Variants in INPP5D observed in about 807,000 individuals in gnomAD.
INPP5D encodes inositol polyphosphate-5-phosphatase D.
INPP5D carries 33 observed loss-of-function variants against 122.9 expected under a neutral mutation model. The ratio of observed to expected loss-of-function variants is 0.27; its 90% confidence interval spans 0.20 to 0.36. The LOEUF (loss-of-function observed/expected upper bound fraction) is 0.36. Among genes scored for constraint, INPP5D ranks in the 10% least tolerant of loss-of-function variants. The pLI is 1.00. For synonymous variants in INPP5D, 584 were observed against 576.2 expected, an observed-to-expected ratio of 1.01 and a Z score of -0.19; for missense variants, 1,053 against 1,412.7, an observed-to-expected ratio of 0.75 and a Z score of 4.08.
At chr2:233,106,603 G>A (rs1443173491) in intron 2 of INPP5D, among the ~76,000 whole-genome samples, 2 of 152,210 alleles carry the variant, frequency 1.3e-5, no homozygotes, top group Admixed American at 1.3e-4. Flanking sequence ...TTCTGCCACA[G>A]CACCCCTCCT....
At chr2:233,185,948 C>A in intron 21 of INPP5D, 23 bp downstream of exon 21, 1 of 1,569,912 alleles carries the variant, frequency 6.4e-7, no homozygotes, top group Non-Finnish European at 8.6e-7. Flanking sequence ...CAAGGCATTC[C>A]CCAGAGGGAG....
At chr2:233,148,685 C>T (rs571106281) in intron 9 of INPP5D, among the ~76,000 whole-genome samples, 7 of 152,118 alleles carry the variant, frequency 4.6e-5, no homozygotes, top group East Asian at 1.9e-4. Flanking sequence ...TGGCTGATGG[C>T]GAATGGACAT....
rs1694843203 is a variant in INPP5D at position 233,183,879 on chromosome 2, G to C, written c.2162-529G>C. Among the ~76,000 whole-genome samples, 1 of 152,208 alleles carries C rather than the reference G, an allele frequency of 6.6e-6. No individual in the cohort carries two copies. Among genetic ancestry groups the C allele is most frequent in the Non-Finnish European group, 1.5e-5 (1 of 68,034 alleles). ...AGGACAGAACACTTGTTTAAAAGCA[G>C]CTTAAGGATGCTTGCAAAAGCATCG... On this transcript the variant is annotated intron_variant, in intron 19 of 26. Transcript: ENST00000445964. This position sits in a 1 kb window ranked among gnomAD's most constrained non-coding sequence, Gnocchi z 4.6.
chr2:233,165,637 AGTGT>A (rs1270463926), intron 13 of INPP5D, among the ~76,000 whole-genome samples: 2 of 142,276 alleles, frequency 1.4e-5, no homozygotes, highest in Non-Finnish European at 3.1e-5. Context: ...CGTATCTATG[AGTGT>A]GTGAGAGTCC....
intron 9 of INPP5D, among the ~76,000 whole-genome samples, chr2:233,150,014 A>G (rs1445474049): frequency 6.6e-6 from 1 of 152,172 alleles, no homozygotes; most frequent in Non-Finnish European, 1.5e-5. Context: ...AGCTCATAGC[A>G]TCATGGTGGC....
At chr2:233,125,718 C>A in intron 3 of INPP5D, 27 bp from the exon 4 acceptor site, 1 of 1,600,122 alleles carries the variant, frequency 6.2e-7, no homozygotes, top group Non-Finnish European at 8.5e-7. Flanking sequence ...GTGTCCTCAC[C>A]AATGGCCTTC....
chr2:233,169,547 C>A (rs1045668848), intron 14 of INPP5D, 146 bp downstream of exon 14: 18 of 1,269,150 alleles, frequency 1.4e-5, no homozygotes, highest in Non-Finnish European at 1.8e-5. Flanking sequence ...ACCACAGTCT[C>A]ATCAAAGGCA....
At chr2:233,181,769 C>T (rs1408609331) in intron 18 of INPP5D, among the ~76,000 whole-genome samples, 1 of 152,082 alleles carries the variant, frequency 6.6e-6, no homozygotes, top group Non-Finnish European at 1.5e-5. Context: ...GCCTTAAGTC[C>T]CCTTCCCACC....
At chr2:233,081,735 G>T (rs1008653423) in intron 2 of INPP5D, among the ~76,000 whole-genome samples, 11 of 152,094 alleles carry the variant, frequency 7.2e-5, no homozygotes, top group Non-Finnish European at 2.9e-5. Flanking sequence ...GAAGGAGAAG[G>T]CCGCCCTAGG....
chr2:233,169,893 C>A, intron 14 of INPP5D, 133 bp from the exon 15 acceptor site: 2 of 1,512,440 alleles, frequency 1.3e-6, no homozygotes. Context: ...TGCAGCAGGG[C>A]TGGAGGGCTA....
At chr2:233,151,527 C>G (rs971552384) in intron 9 of INPP5D, among the ~76,000 whole-genome samples, 1 of 152,108 alleles carries the variant, frequency 6.6e-6, no homozygotes, top group Non-Finnish European at 1.5e-5. Context: ...ATTCCCTCCC[C>G]CTAAAAAGGG....
At chr2:233,117,640 T>C (rs1284656451) in intron 2 of INPP5D, among the ~76,000 whole-genome samples, 2 of 152,158 alleles carry the variant, frequency 1.3e-5, no homozygotes, top group Non-Finnish European at 2.9e-5. Flanking sequence ...GTACTGCCTG[T>C]TATTGGTATC....
At chr2:233,144,551 ATGGTGAGGGTGGAGATGGTG>A (rs1693703666) in intron 6 of INPP5D, among the ~76,000 whole-genome samples, 1 of 126,888 alleles carries the variant, frequency 7.9e-6, no homozygotes, top group Non-Finnish European at 1.6e-5. Context: ...GGTGGTGGTG[ATGGTGAGGGTGGAGATGGTG>A]GTAGTGATGG....
intron 1 of INPP5D, 130 bp from the exon 2 acceptor site, chr2:233,079,205 C>A: frequency 1.5e-6 from 1 of 652,536 alleles, no homozygotes; most frequent in Non-Finnish European, 2.8e-6. Context: ...CTTAAGAGAA[C>A]GGTCAGCTCC....
intron 26 of INPP5D, chr2:233,204,928 G>A: frequency 1.3e-6 from 1 of 772,252 alleles, no homozygotes; most frequent in Non-Finnish European, 1.9e-6. Flanking sequence ...ACCCAGGTCT[G>A]CCTGTCCCAC....
chr2:233,204,434 G>A lies in INPP5D; in HGVS notation c.3284G>A (p.Arg1095Lys), dbSNP rs1214651628. Reference sequence around the variant, plus strand: ...ACGTGCTCATCCTCTGCCGAGGGCAGGGCGGCCGGCGGGGACAAGAGCCAA... The same window carrying A: ...ACGTGCTCATCCTCTGCCGAGGGCAAGGCGGCCGGCGGGGACAAGAGCCAA... ...SFTCSSSAEG[R>K]AAGGDKSQGK... The change falls in exon 26 of 27, where the codon AGG becomes AAG. Residue 1095 changes from arginine (R) to lysine (K), a missense_variant. Transcript: ENST00000445964. The A allele has an allele frequency of 6.2e-7, 1 of 1,605,104 alleles. No homozygotes were observed. The highest frequency in any genetic ancestry group is 8.5e-7 in the Non-Finnish European group (1 of 1,176,620).
At chr2:233,110,047 G>A (rs986499963) in intron 2 of INPP5D, among the ~76,000 whole-genome samples, 1 of 141,684 alleles carries the variant, frequency 7.1e-6, no homozygotes, top group African/African-American at 2.9e-5. Context: ...ACCATGCTCA[G>A]CTAATTTTTT....
intron 2 of INPP5D, among the ~76,000 whole-genome samples, chr2:233,089,935 C>T (rs576906473): frequency 1.6e-4 from 25 of 152,224 alleles, no homozygotes; most frequent in Non-Finnish European, 3.2e-4. Context: ...GCCATGCCTT[C>T]CAAAGAACCC....
intron 2 of INPP5D, among the ~76,000 whole-genome samples, chr2:233,102,373 G>C (rs369796844): frequency 6.6e-6 from 1 of 152,112 alleles, no homozygotes; most frequent in African/African-American, 2.4e-5. Flanking sequence ...CCCAGTCCCC[G>C]CCTCTCCCTA....
Sources: allele counts gnomAD v4.1 joint callset (sites outside exome capture counted in the v4.1 genomes callset), GRCh38; gene constraint gnomAD v4.1.1; non-coding constraint Gnocchi (gnomAD v3.1); transcripts MANE v1.5; gene names NCBI Gene and HGNC (gene_info 2026-07-23, HGNC 2026-07-21).